The following LRRC43 variants were observed in gnomAD, a reference collection of about 807,000 sequenced individuals.
LRRC43 encodes the protein leucine rich repeat containing 43.
A neutral mutation model predicts 64.3 loss-of-function variants in LRRC43; 62 were observed. The observed-to-expected ratio is 0.96, with a 90% CI of 0.79 to 1.19. The LOEUF (loss-of-function observed/expected upper bound fraction) is 1.19. Among genes scored for constraint, LRRC43 ranks in the 50% most tolerant of loss-of-function variants. The pLI is 0.00. For synonymous variants in LRRC43, 422 were observed against 382.3 expected (o/e 1.10, Z -1.21); for missense variants, 868 against 845.0 (o/e 1.03, Z -0.34).
chr12:122,187,790 CAACA>C lies in LRRC43; in HGVS notation c.616_619del (p.Lys206PhefsTer2). On this transcript the variant is annotated frameshift_variant, in exon 4 of 12. Transcript: ENST00000339777. LOFTEE classifies it high-confidence loss of function. ...GCCTGCAGCACTTGGGGTTAGGCCA[CAACA>C]AACTTCTAGGCCCCTTGGAAAGTCT... 1 of 1,614,132 alleles carries C rather than the reference CAACA, an allele frequency of 6.2e-7. No individual in the cohort carries two copies. Among genetic ancestry groups the C allele is most frequent in the Non-Finnish European group, 8.5e-7 (1 of 1,180,010 alleles).
Position 122,172,104 on chromosome 12 carries a change from C to T in LRRC43, c.-406+4322C>T, listed in dbSNP as rs535727210. The T allele has an allele frequency of 3.4e-5, 9 of 262,664 alleles. No homozygotes were observed. The East Asian group carries it at 3.7e-4, about 11-fold the overall frequency. The allele number at this position is 262,664 out of a possible 1,614,324, so 16.3% of individuals were successfully genotyped here. On this transcript the variant is annotated intron_variant, in intron 1 of 5. Coordinates refer to the LRRC43 transcript ENST00000537729. ...CAGGGAGCATTGACAACTCTTAGTACAATAAATATCAATAAATTAACATAG... is the reference window on the plus strand; with the variant it reads ...CAGGGAGCATTGACAACTCTTAGTATAATAAATATCAATAAATTAACATAG...
chr12:122,182,088 T>C (rs1002860101), upstream of LRRC43, among the ~76,000 whole-genome samples: 2 of 151,986 alleles, frequency 1.3e-5, no homozygotes, highest in Non-Finnish European at 2.9e-5. Flanking sequence ...ATCAATGTCC[T>C]TATAAAAGAA....
intron 4 of LRRC43, among the ~76,000 whole-genome samples, chr12:122,189,215 T>A (rs574879015): frequency 4.6e-5 from 7 of 151,726 alleles, no homozygotes; most frequent in Non-Finnish European, 1.0e-4. Context: ...CTGTGAGAAG[T>A]CCCAGGACTT....
At chr12:122,189,226 C>A (rs1283907253) in intron 4 of LRRC43, among the ~76,000 whole-genome samples, 1 of 152,172 alleles carries the variant, frequency 6.6e-6, no homozygotes, top group Non-Finnish European at 1.5e-5. Flanking sequence ...CCCAGGACTT[C>A]AGCAGCCCAG....
chr12:122,183,425 G>A, intron 1 of LRRC43, 131 bp downstream of exon 1: 1 of 1,099,228 alleles, frequency 9.1e-7, no homozygotes, highest in Non-Finnish European at 1.2e-6. Context: ...CATGGGGGCG[G>A]GTGGGGCTTG....
At position 122,177,812 on chromosome 12, in the gene LRRC43, T is replaced by TTTTATTATTTATTTA. The variant is rs142883484; in HGVS notation, c.-405-6701_-405-6700insATTTATTTATTTATT. On this transcript the variant is annotated intron_variant, in intron 1 of 5. Coordinates refer to the LRRC43 transcript ENST00000537729. ...CCACTGCGCCTGGCCACCTTTGTGGTTTTATTTATTTATTTATTTATTTAT... is the reference window on the plus strand; with the variant it reads ...CCACTGCGCCTGGCCACCTTTGTGGTTTTATTATTTATTTATTTATTTATTTATTTATTTATTTAT... Among the ~76,000 whole-genome samples, 377 of 138,492 alleles carry TTTTATTATTTATTTA rather than the reference T, an allele frequency of 2.7e-3. 3 individuals are homozygous for TTTTATTATTTATTTA. The highest frequency in any genetic ancestry group is 9.5e-3 in the African/African-American group (354 of 37,406). The allele number at this position is 138,492 out of a possible 152,430, so 90.9% of individuals were successfully genotyped here.
rs569822119 is a variant in LRRC43 at position 122,185,356 on chromosome 12, C to G, written c.411+577C>G. 1.8e-4 allele frequency among the ~76,000 whole-genome samples: 27 copies of G among 152,122 alleles called. No homozygotes were observed. The East Asian group carries it at 3.7e-3, about 21-fold the overall frequency. On this transcript the variant is annotated intron_variant, in intron 2 of 11. Coordinates refer to ENST00000339777, the MANE Select transcript of LRRC43 (RefSeq NM_001098519.2). ...CAGGTATGGTGGTGCACGCCTGTAG[C>G]CCCAGCTACTCAGAGGCTTAGGCAG...
intron 4 of LRRC43, among the ~76,000 whole-genome samples, chr12:122,188,254 C>T (rs1255220662): frequency 6.6e-6 from 1 of 151,872 alleles, no homozygotes; most frequent in Admixed American, 6.6e-5. Flanking sequence ...CTACAGGCAC[C>T]CGCCACCATG....
At chr12:122,188,848 A>G (rs914132558) in intron 4 of LRRC43, among the ~76,000 whole-genome samples, 7 of 152,224 alleles carry the variant, frequency 4.6e-5, no homozygotes, top group Non-Finnish European at 8.8e-5. Flanking sequence ...ATTGAGCAGC[A>G]TACCTGGCCT....
At chr12:122,185,036 G>A (rs1470363594) in intron 2 of LRRC43, among the ~76,000 whole-genome samples, 1 of 152,212 alleles carries the variant, frequency 6.6e-6, no homozygotes, top group African/African-American at 2.4e-5. Flanking sequence ...TTCTGCAGTG[G>A]ACCCTCCTGG....
intron 1 of LRRC43, chr12:122,167,818 G>GTT (rs56346962): frequency 1.3e-3 from 186 of 143,876 alleles, no homozygotes; most frequent in Non-Finnish European, 1.3e-3. Flanking sequence ...TTTTTAAAAA[G>GTT]TTTTTTTTTT....
rs891273280 is a variant in LRRC43 at position 122,200,053 on chromosome 12, C to T, written c.1350-136C>T. 1.1e-5 allele frequency: 10 copies of T among 918,626 alleles called. No individual in the cohort carries two copies. Among genetic ancestry groups the T allele is most frequent in the African/African-American group, 1.7e-5 (1 of 60,338 alleles). The allele number at this position is 918,626 out of a possible 1,614,324, so 56.9% of individuals were successfully genotyped here. A position where few individuals can be genotyped will look rare whatever the true frequency, so the allele number is the denominator to read the frequency against. ...TCCCCTTGCCCTGCCTGGTGGCAGCCGGACCTCACGTCTCATGCTGTTTGT... is the reference window on the plus strand; with the variant it reads ...TCCCCTTGCCCTGCCTGGTGGCAGCTGGACCTCACGTCTCATGCTGTTTGT... On this transcript the variant is annotated intron_variant, in intron 7 of 11. Transcript: ENST00000339777. This position sits in a 1 kb window ranked among gnomAD's most constrained non-coding sequence, Gnocchi z 4.6.
At chr12:122,189,246 A>G (rs949837357) in intron 4 of LRRC43, among the ~76,000 whole-genome samples, 2 of 152,240 alleles carry the variant, frequency 1.3e-5, no homozygotes, top group Admixed American at 6.5e-5. Flanking sequence ...GCAAGGATGG[A>G]AGGGGTAGAA....
intron 6 of LRRC43, 148 bp downstream of exon 6, chr12:122,191,715 C>T (rs183061125): frequency 5.0e-5 from 31 of 619,188 alleles, no homozygotes; most frequent in Non-Finnish European, 6.5e-5. Flanking sequence ...AGTGCGATGG[C>T]GTAATCTCAG....
intron 1 of LRRC43, among the ~76,000 whole-genome samples, chr12:122,177,439 A>C (rs1953545593): frequency 6.6e-6 from 1 of 151,332 alleles, no homozygotes; most frequent in South Asian, 2.1e-4. Context: ...TATCCATGGC[A>C]TGCTAGACTT....
intron 1 of LRRC43, among the ~76,000 whole-genome samples, chr12:122,177,032 T>C (rs1233655661): frequency 6.6e-6 from 1 of 152,108 alleles, no homozygotes; most frequent in East Asian, 1.9e-4. Context: ...ATGTAATCAA[T>C]ATCCTCTAGC....
Position 122,192,814 on chromosome 12 carries a change from A to G in LRRC43, c.1159A>G (p.Ile387Val), listed in dbSNP as rs1366685345. 1.2e-6 allele frequency: 2 copies of G among 1,612,570 alleles called. No individual in the cohort carries two copies. Among genetic ancestry groups the G allele is most frequent in the Admixed American group, 1.7e-5 (1 of 59,970 alleles). Residue 387 changes from isoleucine to valine, a missense_variant, in exon 7 of 12, where the codon ATC becomes GTC. Transcript: ENST00000339777. ...ESPEEVVEDV[I>V]EDIVEEVTEE... Reference sequence around the variant, plus strand: ...TCCTGAAGAGGTCGTGGAAGACGTCATCGAAGACATTGTTGAAGAGGTTAC... The same window carrying G: ...TCCTGAAGAGGTCGTGGAAGACGTCGTCGAAGACATTGTTGAAGAGGTTAC...
At chr12:122,198,199 C>T (rs1953791090) in intron 7 of LRRC43, among the ~76,000 whole-genome samples, 1 of 151,996 alleles carries the variant, frequency 6.6e-6, no homozygotes, top group Non-Finnish European at 1.5e-5. Flanking sequence ...CAGGAGAGTT[C>T]GAGACCAGAA....
chr12:122,195,976 C>T (rs928201411), intron 7 of LRRC43, among the ~76,000 whole-genome samples: 3 of 152,160 alleles, frequency 2.0e-5, no homozygotes, highest in African/African-American at 7.2e-5. Flanking sequence ...GTTCCCCTAG[C>T]GCCCATGAGG....
Sources: allele counts gnomAD v4.1 joint callset (sites outside exome capture counted in the v4.1 genomes callset), GRCh38; gene constraint gnomAD v4.1.1; non-coding constraint Gnocchi (gnomAD v3.1); transcripts MANE v1.5; gene names NCBI Gene and HGNC (gene_info 2026-07-23, HGNC 2026-07-21).